SLC7A13: variants seen among roughly 807,000 people sequenced by gnomAD.
The protein encoded by SLC7A13 is solute carrier family 7 member 13, also known as X-amino acid transporter 2.
SLC7A13 carries 31 observed loss-of-function variants against 32.0 expected under a neutral mutation model. The observed-to-expected ratio is 0.97, with a 90% confidence interval of 0.73 to 1.31. The LOEUF is 1.31. Ranked by LOEUF, SLC7A13 falls within the 50% of genes most tolerant of loss-of-function variation. The pLI, the probability that SLC7A13 is intolerant of heterozygous loss-of-function variation, is 0.00. For synonymous variants in SLC7A13, 232 were observed against 206.9 expected (o/e 1.12, Z -1.04); for missense variants, 633 against 546.9 (o/e 1.16, Z -1.57).
intron 1 of SLC7A13, among the ~76,000 whole-genome samples, chr8:86,226,582 C>T (rs1820391297): frequency 6.6e-6 from 1 of 152,192 alleles, no homozygotes; most frequent in African/African-American, 2.4e-5. Flanking sequence ...TTCTCTACCT[C>T]CTGCTTAAAA....
Position 86,217,836 on chromosome 8 carries a change from A to G in SLC7A13, c.818-5T>C. 2.0e-6 allele frequency: 3 copies of G among 1,508,256 alleles called. No individual in the cohort carries two copies. In the South Asian group the frequency reaches 4.1e-5, roughly 21 times the overall value. 93.4% of individuals were successfully genotyped at this position (1,508,256 alleles called of 1,614,324 possible). ...CCCATGTGATAGCTACAGCATCTGC[A>G]GAAAAACAAAAATACACAAAAGAAA... On this transcript the variant is annotated splice_region_variant and splice_polypyrimidine_tract_variant and intron_variant, in intron 2 of 3. Coordinates refer to ENST00000297524, the MANE Select transcript of SLC7A13 (RefSeq NM_138817.3).
intron 1 of SLC7A13, 32 bp from the exon 2 acceptor site, chr8:86,223,135 G>A (rs765008093): frequency 4.0e-6 from 6 of 1,518,514 alleles, no homozygotes; most frequent in Non-Finnish European, 5.3e-6. Flanking sequence ...AACCATAATT[G>A]GTAAACATTA....
chr8:86,221,176 C>G (rs926504170), intron 2 of SLC7A13, among the ~76,000 whole-genome samples: 1 of 152,016 alleles, frequency 6.6e-6, no homozygotes, highest in African/African-American at 2.4e-5. Flanking sequence ...TATATACATC[C>G]TGACTTTTTC....
Position 86,229,779 on chromosome 8 carries a change from T to C in SLC7A13, c.499A>G (p.Lys167Glu). The part of the protein sequence containing the change: ...TWLQIASSVL[K>E]VSILSFISLT... ...GAAATGAAGCTAAGTATGGACACTT[T>C]CAGCACTGAGCTAGCTATCTGAAGC... The change falls in exon 1 of 4, where the codon AAA becomes GAA. Residue 167 changes from lysine to glutamate, a missense_variant. Lys to Glu is a moderately conservative substitution (Grantham distance 56). Coordinates refer to ENST00000297524, the MANE Select transcript of SLC7A13 (RefSeq NM_138817.3). 1.2e-6 allele frequency: 2 copies of C among 1,614,210 alleles called. No homozygotes were observed. The highest frequency in any genetic ancestry group is 1.7e-6 in the Non-Finnish European group (2 of 1,180,038).
intron 2 of SLC7A13, among the ~76,000 whole-genome samples, chr8:86,220,844 A>C (rs2129791138): frequency 6.6e-6 from 1 of 152,100 alleles, no homozygotes; most frequent in African/African-American, 2.4e-5. Context: ...AAATACAAAA[A>C]TTAGCCAGGT....
intron 2 of SLC7A13, among the ~76,000 whole-genome samples, chr8:86,222,349 T>C (rs945264422): frequency 2.0e-5 from 3 of 152,160 alleles, no homozygotes; most frequent in Non-Finnish European, 4.4e-5. Flanking sequence ...GTTGATCTGT[T>C]ACTCATTTTT....
chr8:86,220,884 C>T (rs1310612099), intron 2 of SLC7A13, among the ~76,000 whole-genome samples: 1 of 151,154 alleles, frequency 6.6e-6, no homozygotes, highest in African/African-American at 2.4e-5. Flanking sequence ...ATCCCAGCTA[C>T]TCAAAAGGCT....
chr8:86,227,579 A>G (rs2129808564), intron 1 of SLC7A13, among the ~76,000 whole-genome samples: 1 of 152,330 alleles, frequency 6.6e-6, no homozygotes, highest in Middle Eastern at 3.4e-3. Flanking sequence ...CAGCAATTCC[A>G]CTACTGCGTC....
intron 2 of SLC7A13, 120 bp downstream of exon 2, chr8:86,222,852 T>C: frequency 9.7e-7 from 1 of 1,026,786 alleles, no homozygotes; most frequent in Non-Finnish European, 1.3e-6. Context: ...TTTTAGAAAA[T>C]TATAAGTTGA....
intron 3 of SLC7A13, among the ~76,000 whole-genome samples, chr8:86,215,911 A>C (rs1820173623): frequency 6.6e-6 from 1 of 152,124 alleles, no homozygotes; most frequent in Non-Finnish European, 1.5e-5. Flanking sequence ...TAATATAAGC[A>C]ATAATAGCCA....
chr8:86,227,433 A>G (rs1820406421), intron 1 of SLC7A13, among the ~76,000 whole-genome samples: 1 of 152,236 alleles, frequency 6.6e-6, no homozygotes, highest in South Asian at 2.1e-4. Context: ...TTTGAAAATG[A>G]AAAGATGAAA....
intron 3 of SLC7A13, among the ~76,000 whole-genome samples, chr8:86,216,288 G>C (rs968386410): frequency 6.6e-6 from 1 of 152,162 alleles, no homozygotes; most frequent in Non-Finnish European, 1.5e-5. Flanking sequence ...CTCCAAGGGG[G>C]ACTGTGGCCA....
In SLC7A13 at chr8:86,230,130, G is replaced by A; in HGVS notation, c.148C>T (p.Leu50=). ...AYSCMNVGVS[L]CVWAGCAILA... ...ATGGCACAGCCAGCCCAAACGCACA[G>A]GGAGACTCCCACGTTCATGCAAGAG... Residue 50 remains leucine (L), a synonymous_variant, in exon 1 of 4, where the codon CTG becomes TTG. Coordinates refer to ENST00000297524, the MANE Select transcript of SLC7A13 (RefSeq NM_138817.3). 3 of 1,614,130 alleles carry A rather than the reference G, an allele frequency of 1.9e-6. No homozygotes were observed. Among genetic ancestry groups the A allele is most frequent in the South Asian group, 1.1e-5 (1 of 91,074 alleles).
intron 3 of SLC7A13, among the ~76,000 whole-genome samples, chr8:86,215,932 A>T (rs1346405618): frequency 6.6e-6 from 1 of 152,034 alleles, no homozygotes; most frequent in African/African-American, 2.4e-5. Flanking sequence ...TCAATGTCAG[A>T]CCCTGGATTG....
intron 2 of SLC7A13, among the ~76,000 whole-genome samples, chr8:86,221,164 A>G (rs980687850): frequency 4.6e-5 from 7 of 152,108 alleles, no homozygotes; most frequent in African/African-American, 1.7e-4. Flanking sequence ...GTTTTATATC[A>G]TTATATACAT....
intron 3 of SLC7A13, among the ~76,000 whole-genome samples, chr8:86,216,157 CT>C (rs1188783570): frequency 2.6e-5 from 4 of 152,130 alleles, no homozygotes; most frequent in Non-Finnish European, 5.9e-5. Flanking sequence ...TTCATAACTT[CT>C]TTATAATTGT....
chr8:86,228,582 A>T (rs371094903), intron 1 of SLC7A13, among the ~76,000 whole-genome samples: 2 of 152,026 alleles, frequency 1.3e-5, no homozygotes, highest in African/African-American at 4.8e-5. Flanking sequence ...GCAGTGGCTC[A>T]CGCTTGTAAT....
chr8:86,227,762 A>G (rs1417778275), intron 1 of SLC7A13, among the ~76,000 whole-genome samples: 1 of 152,210 alleles, frequency 6.6e-6, no homozygotes, highest in African/African-American at 2.4e-5. Context: ...CAGCCCTAAA[A>G]AGAATGAGAT....
intron 1 of SLC7A13, 100 bp from the exon 2 acceptor site, chr8:86,223,203 T>C: frequency 8.4e-7 from 1 of 1,188,470 alleles, no homozygotes; most frequent in Non-Finnish European, 1.1e-6. Context: ...ATTAATGGGG[T>C]ACAAGCATGA....
Sources: gnomAD v4.1 joint callset for allele counts (sites outside exome capture counted in the v4.1 genomes callset) on GRCh38, gnomAD v4.1.1 for gene constraint, MANE v1.5 for transcripts, NCBI Gene and HGNC (gene_info 2026-07-23, HGNC 2026-07-21) for gene names.